Variants in BAZ1A observed in about 807,000 individuals in gnomAD.
The protein encoded by BAZ1A is bromodomain adjacent to zinc finger domain 1A.
A neutral mutation model predicts 185.2 loss-of-function variants in BAZ1A; 50 were observed. That is an observed-to-expected ratio of 0.27 (90% CI 0.22 to 0.34). BAZ1A has a LOEUF of 0.34. Among genes scored for constraint, BAZ1A ranks in the 10% least tolerant of loss-of-function variants. BAZ1A has a pLI of 1.00. For missense variants in BAZ1A, 1,356 were observed against 1,839.9 expected (o/e 0.74, Z 4.81); for synonymous variants, 571 against 615.6 (o/e 0.93, Z 1.07).
At chr14:34,866,833 T>C (rs1479874255) in intron 2 of BAZ1A, among the ~76,000 whole-genome samples, 1 of 152,116 alleles carries the variant, frequency 6.6e-6, no homozygotes, top group Non-Finnish European at 1.5e-5. Flanking sequence ...ACATGTATAA[T>C]TTTAAATTTT....
intron 3 of BAZ1A, among the ~76,000 whole-genome samples, chr14:34,830,851 G>A (rs2042232631): frequency 6.6e-6 from 1 of 150,480 alleles, no homozygotes; most frequent in African/African-American, 2.5e-5. Context: ...TGCCTCCCGG[G>A]TTCAACTGAT....
intron 4 of BAZ1A, among the ~76,000 whole-genome samples, chr14:34,821,940 C>T (rs991595055): frequency 3.3e-5 from 5 of 151,568 alleles, no homozygotes; most frequent in African/African-American, 9.7e-5. Flanking sequence ...GCCAAGATCG[C>T]ACCATTGCAC....
intron 10 of BAZ1A, among the ~76,000 whole-genome samples, chr14:34,795,243 A>G (rs1370996717): frequency 6.6e-6 from 1 of 152,200 alleles, no homozygotes; most frequent in Non-Finnish European, 1.5e-5. Context: ...CCTTCAATGT[A>G]GTAGCTCCTT....
At chr14:34,836,417 A>C (rs1361330253) in intron 3 of BAZ1A, among the ~76,000 whole-genome samples, 2 of 144,234 alleles carry the variant, frequency 1.4e-5, no homozygotes, top group African/African-American at 2.6e-5. Context: ...AAAAAAAAAA[A>C]AACTTTCTAT....
chr14:34,784,381 A>C (rs1255258621), intron 14 of BAZ1A, among the ~76,000 whole-genome samples: 7 of 150,030 alleles, frequency 4.7e-5, no homozygotes, highest in African/African-American at 1.5e-4. Context: ...AAAAAAAAAA[A>C]AAAAAAAAAA....
intron 4 of BAZ1A, among the ~76,000 whole-genome samples, chr14:34,825,425 C>G (rs2042151707): frequency 1.0e-5 from 1 of 96,954 alleles, no homozygotes; most frequent in Non-Finnish European, 1.9e-5. Context: ...CCAGCCTGGG[C>G]AACAAGATGG....
At chr14:34,844,413 G>A (rs1312077423) in intron 3 of BAZ1A, among the ~76,000 whole-genome samples, 1 of 151,930 alleles carries the variant, frequency 6.6e-6, no homozygotes, top group East Asian at 1.9e-4. Flanking sequence ...TCATGAATTC[G>A]AAGAGTTAAT....
rs185325364 is a variant in BAZ1A, at chr14:34,860,713, C to G, written c.392+1331G>C. Among the ~76,000 whole-genome samples, 831 of 151,770 alleles carry G rather than the reference C, an allele frequency of 5.5e-3. 10 individuals are homozygous for G. Among genetic ancestry groups the G allele is most frequent in the South Asian group, 0.047 (226 of 4,800 alleles). ...CCTGAGGACAGGAGTTCAAGACCAG[C>G]CTGATGAAGTCCCGTCTCTACTAAA... On this transcript the variant is annotated intron_variant, in intron 3 of 26. Transcript: ENST00000360310.
chr14:34,765,402 G>T, intron 21 of BAZ1A, 134 bp from the exon 22 acceptor site: 2 of 1,145,126 alleles, frequency 1.7e-6, no homozygotes, highest in Non-Finnish European at 2.4e-6. Flanking sequence ...AAAAGACCAT[G>T]CTGATATTAA....
chr14:34,815,962 T>TA (rs1414060933), intron 4 of BAZ1A, among the ~76,000 whole-genome samples: 1 of 151,830 alleles, frequency 6.6e-6, no homozygotes, highest in Non-Finnish European at 1.5e-5. Flanking sequence ...TCTGCTTCTT[T>TA]AAAAATAACA....
intron 6 of BAZ1A, among the ~76,000 whole-genome samples, chr14:34,804,349 A>G (rs957046289): frequency 1.3e-4 from 20 of 152,140 alleles, no homozygotes; most frequent in Non-Finnish European, 1.5e-5. Flanking sequence ...ACTTTTTGTT[A>G]TTTTTGACCT....
intron 8 of BAZ1A, 100 bp from the exon 9 acceptor site, chr14:34,800,490 A>T: frequency 9.9e-7 from 1 of 1,005,478 alleles, no homozygotes; most frequent in Non-Finnish European, 1.4e-6. Flanking sequence ...ATTTAAAGTT[A>T]AATGAGATTA....
rs542523340 is a variant in BAZ1A, at chr14:34,786,603, G to GTTTTTTTTTTTTTTTTTTTTTT, written c.1511-383_1511-382insAAAAAAAAAAAAAAAAAAAAAA. 17 of 106,860 alleles carry GTTTTTTTTTTTTTTTTTTTTTT rather than the reference G, an allele frequency of 1.6e-4. 7 individuals carry two copies. The highest frequency in any genetic ancestry group is 2.4e-4 in the Admixed American group (2 of 8,254). 6.6% of individuals were successfully genotyped at this position (106,860 alleles called of 1,614,324 possible). ...TTAAAGATACTCCAATCTTTTATGT[G>GTTTTTTTTTTTTTTTTTTTTTT]TGTTTTTTTTTTTTTTTTTTTTGAG... is the stretch of plus-strand genomic sequence containing the variant. On this transcript the variant is annotated intron_variant, in intron 12 of 26. Coordinates refer to ENST00000360310, the MANE Select transcript of BAZ1A (RefSeq NM_013448.3).
At chr14:34,858,313 A>G (rs1002273006) in intron 3 of BAZ1A, among the ~76,000 whole-genome samples, 1 of 152,214 alleles carries the variant, frequency 6.6e-6, no homozygotes, top group South Asian at 2.1e-4. Flanking sequence ...ACTGGAGTGC[A>G]GTGGCGTGAT....
chr14:34,824,631 T>C (rs2042139734), intron 4 of BAZ1A, among the ~76,000 whole-genome samples: 1 of 152,172 alleles, frequency 6.6e-6, no homozygotes, highest in Non-Finnish European at 1.5e-5. Context: ...CTTAGCACAG[T>C]GCCTGATCAC....
chr14:34,795,956 A>C (rs1881168119), intron 9 of BAZ1A, among the ~76,000 whole-genome samples, 191 bp from the exon 10 acceptor site: 1 of 152,224 alleles, frequency 6.6e-6, no homozygotes, highest in African/African-American at 2.4e-5. Flanking sequence ...ATACACGCTA[A>C]AGTTTTAGAA....
At chr14:34,797,238 A>G (rs1329405944) in intron 9 of BAZ1A, among the ~76,000 whole-genome samples, 1 of 152,202 alleles carries the variant, frequency 6.6e-6, no homozygotes, top group Non-Finnish European at 1.5e-5. Context: ...GGCAGAGGAT[A>G]AAGACTAGAA....
intron 3 of BAZ1A, among the ~76,000 whole-genome samples, chr14:34,837,978 G>A (rs1278977358): frequency 1.3e-5 from 2 of 152,164 alleles, no homozygotes; most frequent in African/African-American, 2.4e-5. Flanking sequence ...TGTGAAAAAT[G>A]CATAGGAAAA....
chr14:34,822,545 C>T lies in BAZ1A; in HGVS notation c.536+3468G>A, dbSNP rs140882928. 3.5e-3 allele frequency among the ~76,000 whole-genome samples: 527 copies of T among 151,294 alleles called. 1 individual carries two copies. Among genetic ancestry groups the T allele is most frequent in the African/African-American group, 4.3e-3 (178 of 41,190 alleles). ...GAAAGCTGGCTTGAGCCCAGGAGGT[C>T]GAGGCTGCAGTGAACTGAGATCACG... On this transcript the variant is annotated intron_variant, in intron 4 of 26. Coordinates refer to ENST00000360310, the MANE Select transcript of BAZ1A (RefSeq NM_013448.3).
Sources: gnomAD v4.1 joint callset for allele counts (sites outside exome capture counted in the v4.1 genomes callset) on GRCh38, gnomAD v4.1.1 for gene constraint, MANE v1.5 for transcripts, NCBI Gene and HGNC (gene_info 2026-07-23, HGNC 2026-07-21) for gene names.